The following TOMM20L variants were observed in gnomAD, a reference collection of about 807,000 sequenced individuals.
The protein encoded by TOMM20L is translocase of outer mitochondrial membrane 20 like, also known as TOMM20-like protein 1.
A neutral mutation model predicts 20.4 loss-of-function variants in TOMM20L; 19 were observed. The ratio of observed to expected loss-of-function variants is 0.93; its 90% CI spans 0.65 to 1.36. The LOEUF is 1.36. Ranked by LOEUF, TOMM20L falls within the 40% of genes most tolerant of loss-of-function variation. The pLI, the probability that TOMM20L is intolerant of heterozygous loss-of-function variation, is 0.00. For missense variants in TOMM20L, 218 were observed against 203.7 expected, an observed-to-expected ratio of 1.07 and a Z score of -0.43; for synonymous variants, 75 against 79.6, an observed-to-expected ratio of 0.94 and a Z score of 0.30.
At chr14:58,412,026 T>A, downstream of TOMM20L, 1 of 1,352,538 alleles carries the variant, frequency 7.4e-7, no homozygotes, top group Non-Finnish European at 1.1e-6. Flanking sequence ...GTTTTTAGTC[T>A]AACTGAAGAG....
In TOMM20L at chr14:58,396,121, CCGGGCCGGGCAGCGCGGG is replaced by C. The variant is rs766030557; in HGVS notation, c.136+34_136+51del. 2.7e-4 allele frequency: 343 copies of C among 1,288,658 alleles called. 5 individuals carry two copies. Among genetic ancestry groups the C allele is most frequent in the South Asian group, 2.3e-3 (77 of 33,272 alleles). 79.8% of individuals were successfully genotyped at this position (1,288,658 alleles called of 1,614,324 possible). On this transcript the variant is annotated intron_variant, in intron 1 of 4. Coordinates refer to ENST00000360945, the MANE Select transcript of TOMM20L (RefSeq NM_207377.3). ...GAGTGGGACCGAGGCGGAGGCGCGG[CCGGGCCGGGCAGCGCGGG>C]CGGGCTGCCGGCCGGGAGGGCCCCC...
At chr14:58,415,926 A>G in the TOMM20L span, among the ~76,000 whole-genome samples, 22 of 152,194 alleles carry the variant, frequency 1.4e-4, no homozygotes, top group African/African-American at 5.3e-4. Context: ...TCTGAAAACT[A>G]AAGACAAGGC....
intron 3 of TOMM20L, among the ~76,000 whole-genome samples, chr14:58,403,574 A>C (rs985365008): frequency 6.6e-6 from 1 of 151,758 alleles, no homozygotes; most frequent in African/African-American, 2.4e-5. Context: ...CACGGTGGCT[A>C]ACGCCTGTAA....
chr14:58,417,041 A>G, the TOMM20L span, among the ~76,000 whole-genome samples: 5 of 152,250 alleles, frequency 3.3e-5, no homozygotes, highest in Non-Finnish European at 5.9e-5. Context: ...TTCTCATGAT[A>G]GTGAATAAGT....
chr14:58,401,650 A>G (rs2035994489), intron 2 of TOMM20L, among the ~76,000 whole-genome samples: 1 of 151,962 alleles, frequency 6.6e-6, no homozygotes. Context: ...AAAAACAAAA[A>G]CCTTACAGAT....
At chr14:58,409,851 T>C (rs978215152), downstream of TOMM20L, among the ~76,000 whole-genome samples, 1 of 152,094 alleles carries the variant, frequency 6.6e-6, no homozygotes, top group Admixed American at 6.6e-5. Flanking sequence ...GTGCTGAAGT[T>C]CCAGGCGTGA....
intron 2 of TOMM20L, among the ~76,000 whole-genome samples, chr14:58,401,996 T>C (rs547343443): frequency 1.3e-4 from 20 of 152,304 alleles, no homozygotes; most frequent in Non-Finnish European, 2.4e-4. Flanking sequence ...GCCAGAGAAA[T>C]CATGCAACCA....
At chr14:58,403,816 C>T (rs548044581) in intron 3 of TOMM20L, among the ~76,000 whole-genome samples, 11 of 151,104 alleles carry the variant, frequency 7.3e-5, no homozygotes, top group Admixed American at 5.3e-4. Flanking sequence ...CCAGCCTGGG[C>T]GACAGAGCGA....
In TOMM20L at chr14:58,399,251, G is replaced by A. The variant is rs994515241; in HGVS notation, c.180+2910G>A. On this transcript the variant is annotated intron_variant, in intron 2 of 4. Coordinates refer to ENST00000360945, the MANE Select transcript of TOMM20L (RefSeq NM_207377.3). ...AGAGTCTCTTCTCACTTTTTCTAGG[G>A]TCTTTCTTCCTCTTCTTCCCAGGAC... Among the ~76,000 whole-genome samples, 19 of 152,202 alleles carry A rather than the reference G, an allele frequency of 1.2e-4. No individual in the cohort carries two copies. In the South Asian group the frequency reaches 3.9e-3, roughly 32 times the overall value.
At chr14:58,402,557 GGATTACAGGTGTGA>G in intron 2 of TOMM20L, 109 bp from the exon 3 acceptor site, 1 of 679,188 alleles carries the variant, frequency 1.5e-6, no homozygotes, top group Non-Finnish European at 2.5e-6. Flanking sequence ...CAAAGTGTTG[GGATTACAGGTGTGA>G]GCCACCGCAT....
downstream of TOMM20L, chr14:58,412,155 T>C (rs2036240890): frequency 2.0e-6 from 1 of 500,898 alleles, no homozygotes; most frequent in Non-Finnish European, 3.6e-6. Context: ...ATTTTCTTTT[T>C]TTTTTTGAGA....
At chr14:58,397,703 G>C (rs904590840) in intron 2 of TOMM20L, among the ~76,000 whole-genome samples, 1 of 152,164 alleles carries the variant, frequency 6.6e-6, no homozygotes. Flanking sequence ...GGTAAGGTTG[G>C]AGAGCGAAAG....
At chr14:58,400,937 A>G (rs540413225) in intron 2 of TOMM20L, among the ~76,000 whole-genome samples, 1 of 152,322 alleles carries the variant, frequency 6.6e-6, no homozygotes, top group South Asian at 2.1e-4. Flanking sequence ...TTCACTTGCT[A>G]TGTTCCCTGC....
At chr14:58,400,015 C>T (rs1282486297) in intron 2 of TOMM20L, among the ~76,000 whole-genome samples, 2 of 149,270 alleles carry the variant, frequency 1.3e-5, no homozygotes, top group Non-Finnish European at 3.0e-5. Flanking sequence ...TCCTAACTTG[C>T]CACCCTGCCT....
the TOMM20L span, among the ~76,000 whole-genome samples, chr14:58,414,871 G>A: frequency 2.9e-3 from 438 of 152,208 alleles, 6 homozygotes; most frequent in Middle Eastern, 0.017. Flanking sequence ...ACCACACAGG[G>A]AGCCTGGCTT....
intron 3 of TOMM20L, among the ~76,000 whole-genome samples, chr14:58,404,098 TGTATATATATATATATATATA>T (rs2036024424): frequency 1.3e-3 from 1 of 746 alleles, no homozygotes; most frequent in Non-Finnish European, 0.062. Flanking sequence ...TACATATATA[TGTATATATATATATATATATA>T]TTTTTTTTTT....
In TOMM20L at chr14:58,396,087, C is replaced by G; in HGVS notation, c.130C>G (p.Arg44Gly). 7.2e-7 allele frequency: 1 copy of G among 1,386,168 alleles called. No individual in the cohort carries two copies. The highest frequency in any genetic ancestry group is 9.4e-7 in the Non-Finnish European group (1 of 1,066,380). The allele number at this position is 1,386,168 out of a possible 1,614,324, so 85.9% of individuals were successfully genotyped here. A position where few individuals can be genotyped will look rare whatever the true frequency, so the allele number is the denominator to read the frequency against. ...RGDPAFKRRLRDKRRAEPQKA... is the reference protein window; with the variant it reads ...RGDPAFKRRLGDKRRAEPQKA... ...GGACCCCGCGTTCAAGCGCCGCCTG[C>G]GGGACAGTGAGTGGGACCGAGGCGG... The change falls in exon 1 of 5, where the codon CGG (arginine) becomes GGG (glycine). Residue 44 changes from arginine (R) to glycine (G), a missense_variant. Physicochemically the swap from Arg to Gly is moderately radical, Grantham distance 125 (BLOSUM62 -2). Coordinates refer to ENST00000360945, the MANE Select transcript of TOMM20L (RefSeq NM_207377.3).
chr14:58,403,865 A>T (rs892597101), intron 3 of TOMM20L, among the ~76,000 whole-genome samples: 6 of 150,680 alleles, frequency 4.0e-5, no homozygotes, highest in South Asian at 2.1e-4. Flanking sequence ...ATAAATAAAT[A>T]ATTTATTCCT....
chr14:58,410,953 G>T, downstream of TOMM20L: 1 of 1,575,856 alleles, frequency 6.3e-7, no homozygotes, highest in Non-Finnish European at 8.7e-7. Context: ...AAACAAACCA[G>T]AATGTTCTTT....
Sources: gnomAD v4.1 joint callset for allele counts (sites outside exome capture counted in the v4.1 genomes callset) on GRCh38, gnomAD v4.1.1 for gene constraint, MANE v1.5 for transcripts, NCBI Gene and HGNC (gene_info 2026-07-23, HGNC 2026-07-21) for gene names.